The following PRDM1 variants were observed in gnomAD, a reference collection of about 807,000 sequenced individuals.
The protein encoded by PRDM1 is PR domain zinc finger protein 1.
In PRDM1, 13 loss-of-function variants were observed where a neutral mutation model predicts 62.8. The ratio of observed to expected loss-of-function variants is 0.21; its 90% confidence interval spans 0.13 to 0.33. The LOEUF is 0.33. PRDM1 is among the 10% of genes least tolerant of loss of function. PRDM1 has a pLI of 1.00. For missense variants in PRDM1, 895 were observed against 1,058.8 expected (o/e 0.85, Z 2.15); for synonymous variants, 396 against 417.6 (o/e 0.95, Z 0.63).
At chr6:106,070,676 T>C (rs1773495721) in intron 1 of PRDM1, among the ~76,000 whole-genome samples, 1 of 152,228 alleles carries the variant, frequency 6.6e-6, no homozygotes, top group East Asian at 1.9e-4. Context: ...TGTAAATATT[T>C]AGACATTTAA....
At chr6:106,051,237 A>G (rs552023718) in intron 1 of PRDM1, among the ~76,000 whole-genome samples, 1 of 152,376 alleles carries the variant, frequency 6.6e-6, no homozygotes, top group South Asian at 2.1e-4. Flanking sequence ...AATATCTGAC[A>G]TGTAATAAGG....
intron 1 of PRDM1, among the ~76,000 whole-genome samples, chr6:106,061,560 G>A (rs1773345981): frequency 1.3e-5 from 2 of 152,232 alleles, no homozygotes; most frequent in South Asian, 4.1e-4. Context: ...TTTCCAGTAT[G>A]TGATTAGATT....
chr6:106,055,590 C>A (rs756817364), intron 1 of PRDM1, among the ~76,000 whole-genome samples: 1 of 152,174 alleles, frequency 6.6e-6, no homozygotes, highest in East Asian at 1.9e-4. Context: ...ACAGTTAATA[C>A]GTAAGGGACC....
intron 1 of PRDM1, among the ~76,000 whole-genome samples, chr6:106,029,572 T>C (rs1045648662): frequency 6.6e-6 from 1 of 152,168 alleles, no homozygotes; most frequent in Admixed American, 6.6e-5. Flanking sequence ...TAGTCCATTG[T>C]ATGGATATAA....
intron 3 of PRDM1, among the ~76,000 whole-genome samples, chr6:106,097,526 GA>G (rs1774143733): frequency 6.6e-6 from 1 of 152,218 alleles, no homozygotes; most frequent in South Asian, 2.1e-4. Flanking sequence ...CACTGCCAAA[GA>G]AGGGATGTTC....
At chr6:106,028,310 C>T (rs1242881450) in intron 1 of PRDM1, among the ~76,000 whole-genome samples, 1 of 152,140 alleles carries the variant, frequency 6.6e-6, no homozygotes, top group East Asian at 1.9e-4. Context: ...GGCTATGAAA[C>T]AGAATTTTAA....
intron 1 of PRDM1, among the ~76,000 whole-genome samples, chr6:106,009,128 G>A (rs1772515954): frequency 6.6e-6 from 1 of 152,114 alleles, no homozygotes; most frequent in Non-Finnish European, 1.5e-5. Flanking sequence ...CTTGCGTAGG[G>A]GGTTGTCAGG....
rs539242611 is a variant in PRDM1, at chr6:106,087,919, G to A, written c.43-282G>A. On this transcript the variant is annotated intron_variant, in intron 1 of 6. Transcript: ENST00000369096. ...TTCTGCCATGAGAGGTAAAGCCAGG[G>A]ATTGTTCAGAGGTGATTCTTTTTTT... 167 of 305,910 alleles carry A rather than the reference G, an allele frequency of 5.5e-4. 2 individuals are homozygous for A. The highest frequency in any genetic ancestry group is 4.4e-3 in the South Asian group (65 of 14,702). The allele number at this position is 305,910 out of a possible 1,614,324, so 18.9% of individuals were successfully genotyped here.
At chr6:106,075,552 G>T (rs184203429) in intron 1 of PRDM1, among the ~76,000 whole-genome samples, 1 of 152,240 alleles carries the variant, frequency 6.6e-6, no homozygotes, top group Admixed American at 6.5e-5. Flanking sequence ...CTCTTCCCTG[G>T]CCCTCAGGGG....
chr6:106,031,382 A>G (rs1278666590), intron 1 of PRDM1, among the ~76,000 whole-genome samples: 2 of 152,222 alleles, frequency 1.3e-5, no homozygotes, highest in Non-Finnish European at 2.9e-5. Flanking sequence ...CTTAGGGGGC[A>G]AAAGAATGCT....
intron 1 of PRDM1, among the ~76,000 whole-genome samples, chr6:106,057,997 G>A (rs1773290598): frequency 6.6e-6 from 1 of 152,184 alleles, no homozygotes; most frequent in Non-Finnish European, 1.5e-5. Context: ...TTGGGCAGGG[G>A]CACCACTTGA....
At chr6:106,076,140 G>A (rs1418024457) in intron 1 of PRDM1, among the ~76,000 whole-genome samples, 7 of 151,894 alleles carry the variant, frequency 4.6e-5, no homozygotes, top group African/African-American at 1.7e-4. Context: ...TTGTAGAGAT[G>A]GGGTTTTGCC....
intron 1 of PRDM1, among the ~76,000 whole-genome samples, chr6:106,066,754 G>A (rs1019359354): frequency 6.6e-6 from 1 of 151,874 alleles, no homozygotes; most frequent in Non-Finnish European, 1.5e-5. Context: ...TTTCCTGTGG[G>A]TATACATATA....
chr6:106,000,485 A>C (rs1177835739), intron 1 of PRDM1, among the ~76,000 whole-genome samples: 2 of 152,142 alleles, frequency 1.3e-5, no homozygotes, highest in African/African-American at 4.8e-5. Flanking sequence ...AAATTAAAAT[A>C]CGTACATTTT....
chr6:106,092,724 G>A (rs1773997433), intron 2 of PRDM1, among the ~76,000 whole-genome samples: 1 of 152,088 alleles, frequency 6.6e-6, no homozygotes, highest in South Asian at 2.1e-4. Context: ...CCTGGTTCCT[G>A]TTCCCCCTCC....
In PRDM1 at chr6:106,109,287, G is replaced by A. The variant is rs1188127780; in HGVS notation, c.*1801G>A. On this transcript the variant is annotated 3_prime_UTR_variant, in exon 7 of 7. Transcript: ENST00000369096. ...TTTTTTAGTATTAAGGACCATCTAA[G>A]ACAGCTCTATTTTTTTTTTGCCACT... 3.0e-5 allele frequency: 7 copies of A among 232,468 alleles called. No individual in the cohort carries two copies. Among genetic ancestry groups the A allele is most frequent in the East Asian group, 2.4e-4 (4 of 16,536 alleles). 14.4% of individuals were successfully genotyped at this position (232,468 alleles called of 1,614,324 possible).
At chr6:106,074,190 AG>A (rs1773564775) in intron 1 of PRDM1, among the ~76,000 whole-genome samples, 1 of 152,250 alleles carries the variant, frequency 6.6e-6, no homozygotes, top group Non-Finnish European at 1.5e-5. Context: ...CCATTTCCAG[AG>A]CTTTTTGGAT....
rs140004953 is a variant in PRDM1, at chr6:106,091,874, C to T, written c.291+3425C>T. Among the ~76,000 whole-genome samples the T allele has an allele frequency of 8.9e-4, 136 of 152,272 alleles. 1 individual carries two copies. The highest frequency in any genetic ancestry group is 3.1e-3 in the African/African-American group (127 of 41,556). ...AAATAAAATAAAAATGAGGTGATTG[C>T]AGGCTGAAGGTCTTGGTCACTACTG... is the stretch of plus-strand genomic sequence containing the variant. On this transcript the variant is annotated intron_variant, in intron 2 of 6. Coordinates refer to ENST00000369096, the MANE Select transcript of PRDM1 (RefSeq NM_001198.4).
chr6:106,021,599 CTT>C (rs1348355660), intron 1 of PRDM1, among the ~76,000 whole-genome samples: 2 of 152,202 alleles, frequency 1.3e-5, no homozygotes, highest in Non-Finnish European at 2.9e-5. Flanking sequence ...TTCACCTCCT[CTT>C]CTCAAAGTGA....
Sources: gnomAD v4.1 joint callset for allele counts (sites outside exome capture counted in the v4.1 genomes callset) on GRCh38, gnomAD v4.1.1 for gene constraint, MANE v1.5 for transcripts, NCBI Gene and HGNC (gene_info 2026-07-23, HGNC 2026-07-21) for gene names.